Variants in FUT9 observed in about 807,000 individuals in gnomAD.
The protein encoded by FUT9 is 4-galactosyl-N-acetylglucosaminide 3-alpha-L-fucosyltransferase 9.
A neutral mutation model predicts 29.7 loss-of-function variants in FUT9; 15 were observed. That is an observed-to-expected ratio of 0.51 (90% CI 0.34 to 0.78). The LOEUF is 0.78. Among genes scored for constraint, FUT9 ranks in the 30% least tolerant of loss-of-function variants. The pLI is 0.01. For synonymous variants in FUT9, 169 were observed against 153.7 expected, an observed-to-expected ratio of 1.10 and a Z score of -0.74; for missense variants, 319 against 425.4, an observed-to-expected ratio of 0.75 and a Z score of 2.20.
chr6:96,106,498 G>A (rs966153706), intron 1 of FUT9, among the ~76,000 whole-genome samples: 7 of 152,010 alleles, frequency 4.6e-5, no homozygotes, highest in Non-Finnish European at 1.0e-4. Context: ...GTTCCAAGAG[G>A]CATGTACTTC....
chr6:96,096,206 G>A (rs755822530), intron 1 of FUT9, among the ~76,000 whole-genome samples: 12 of 151,930 alleles, frequency 7.9e-5, no homozygotes, highest in Admixed American at 2.0e-4. Context: ...AAAAAGACTC[G>A]GATGCTTCCT....
rs1408777043 is a variant in FUT9, at chr6:96,215,302, ATG to A, written c.*11068_*11069del. On this transcript the variant is annotated 3_prime_UTR_variant, in exon 3 of 3. Coordinates refer to ENST00000302103, the MANE Select transcript of FUT9 (RefSeq NM_006581.4). ...GCTGTCACAACATGGATTCCTTCTCATGGATGTCTTTCTAGGCTTATAAATAT... is the reference window on the plus strand; with the variant it reads ...GCTGTCACAACATGGATTCCTTCTCAGATGTCTTTCTAGGCTTATAAATAT... The A allele has an allele frequency of 6.0e-6, 1 of 166,952 alleles. No individual in the cohort carries two copies. Among genetic ancestry groups the A allele is most frequent in the African/African-American group, 2.4e-5 (1 of 41,426 alleles). The allele number at this position is 166,952 out of a possible 1,614,324, so 10.3% of individuals were successfully genotyped here.
intron 1 of FUT9, among the ~76,000 whole-genome samples, chr6:96,052,897 TA>T (rs1487534386): frequency 6.6e-6 from 1 of 152,018 alleles, no homozygotes; most frequent in Admixed American, 6.6e-5. Flanking sequence ...AAATATTTAA[TA>T]AGGTCAAAAC....
At chr6:96,028,183 T>G (rs1412658351) in intron 1 of FUT9, among the ~76,000 whole-genome samples, 2 of 151,392 alleles carry the variant, frequency 1.3e-5, no homozygotes, top group African/African-American at 2.4e-5. Flanking sequence ...AGGGGCAAAG[T>G]AGAAGTTCTA....
At chr6:96,153,511 G>T (rs1772721239) in intron 2 of FUT9, among the ~76,000 whole-genome samples, 1 of 152,172 alleles carries the variant, frequency 6.6e-6, no homozygotes, top group Non-Finnish European at 1.5e-5. Context: ...TCCCAAGTAT[G>T]AAATTGAGAA....
At chr6:96,019,924 A>C (rs2127920415) in intron 1 of FUT9, among the ~76,000 whole-genome samples, 2 of 152,206 alleles carry the variant, frequency 1.3e-5, no homozygotes, top group Admixed American at 1.3e-4. Context: ...TCTTTCTATA[A>C]AATAAAAACA....
intron 1 of FUT9, among the ~76,000 whole-genome samples, chr6:96,084,427 C>CACTAAATATAT (rs1156568906): frequency 6.6e-6 from 1 of 152,054 alleles, no homozygotes; most frequent in Non-Finnish European, 1.5e-5. Context: ...CCAAATCACT[C>CACTAAATATAT]TTGTCAATTA....
At chr6:96,122,518 A>G (rs1772048605) in intron 2 of FUT9, among the ~76,000 whole-genome samples, 1 of 152,192 alleles carries the variant, frequency 6.6e-6, no homozygotes, top group Admixed American at 6.5e-5. Flanking sequence ...ATCCGTATGT[A>G]CACATAATTT....
intron 1 of FUT9, among the ~76,000 whole-genome samples, chr6:96,027,470 G>A (rs895071023): frequency 1.3e-5 from 2 of 151,380 alleles, no homozygotes; most frequent in African/African-American, 4.8e-5. Flanking sequence ...TCAGATAGAT[G>A]TCTGCTGCTC....
intron 1 of FUT9, among the ~76,000 whole-genome samples, chr6:96,097,171 A>T (rs1423947701): frequency 6.6e-6 from 1 of 152,236 alleles, no homozygotes; most frequent in Non-Finnish European, 1.5e-5. Flanking sequence ...ATAATAATAG[A>T]ATAGCCAAAT....
intron 1 of FUT9, among the ~76,000 whole-genome samples, chr6:96,110,530 G>T (rs1318736478): frequency 6.6e-6 from 1 of 152,076 alleles, no homozygotes; most frequent in African/African-American, 2.4e-5. Flanking sequence ...AATTTCAAAA[G>T]ATACATCCCC....
chr6:96,145,712 C>CCTGA (rs1239370964), intron 2 of FUT9, among the ~76,000 whole-genome samples: 1 of 152,050 alleles, frequency 6.6e-6, no homozygotes, highest in African/African-American at 2.4e-5. Flanking sequence ...TGTGCAAAGG[C>CCTGA]CTGAGGCAGG....
intron 1 of FUT9, among the ~76,000 whole-genome samples, chr6:96,088,666 T>C (rs972271107): frequency 1.3e-5 from 2 of 152,160 alleles, no homozygotes; most frequent in Admixed American, 6.6e-5. Context: ...TAATTTCATT[T>C]ATTGTATTTC....
At chr6:96,137,780 T>G (rs1029790857) in intron 2 of FUT9, among the ~76,000 whole-genome samples, 2 of 152,028 alleles carry the variant, frequency 1.3e-5, no homozygotes, top group African/African-American at 2.4e-5. Flanking sequence ...GACTCATTAG[T>G]TTTGATGAAA....
intron 2 of FUT9, among the ~76,000 whole-genome samples, chr6:96,174,291 G>T (rs904181093): frequency 2.0e-5 from 3 of 152,018 alleles, no homozygotes; most frequent in Non-Finnish European, 4.4e-5. Flanking sequence ...AAGAAACTTA[G>T]ATTATTATTA....
intron 2 of FUT9, among the ~76,000 whole-genome samples, chr6:96,198,744 A>C (rs1773675793): frequency 6.6e-6 from 1 of 152,148 alleles, no homozygotes; most frequent in African/African-American, 2.4e-5. Context: ...GCAGTGTAAA[A>C]GTGTTCCTAT....
intron 2 of FUT9, among the ~76,000 whole-genome samples, chr6:96,155,859 G>T (rs1005383756): frequency 5.9e-5 from 9 of 152,094 alleles, no homozygotes; most frequent in African/African-American, 2.2e-4. Context: ...CCAGCCTCTA[G>T]AACTGTGAGG....
intron 1 of FUT9, among the ~76,000 whole-genome samples, chr6:96,087,660 C>A (rs1406393153): frequency 6.6e-6 from 1 of 151,994 alleles, no homozygotes; most frequent in Non-Finnish European, 1.5e-5. Context: ...CCACCACGTC[C>A]GGCCTTCCCC....
At chr6:96,164,985 T>C (rs966391923) in intron 2 of FUT9, among the ~76,000 whole-genome samples, 9 of 152,296 alleles carry the variant, frequency 5.9e-5, no homozygotes, top group African/African-American at 2.2e-4. Flanking sequence ...TAGTCAGAGA[T>C]GGGCTAGAGG....
Sources: gnomAD v4.1 joint callset for allele counts (sites outside exome capture counted in the v4.1 genomes callset) on GRCh38, gnomAD v4.1.1 for gene constraint, MANE v1.5 for transcripts, NCBI Gene and HGNC (gene_info 2026-07-23, HGNC 2026-07-21) for gene names.